EXOC4: variants seen among roughly 807,000 people sequenced by gnomAD.
The protein encoded by EXOC4 is exocyst complex component 4.
Under a neutral mutation model 107.2 loss-of-function variants are expected in EXOC4, and 71 were observed. That is an observed-to-expected ratio of 0.66 (90% CI 0.55 to 0.81). EXOC4 has a LOEUF of 0.81. Ranked by LOEUF, EXOC4 falls within the 30% of genes least tolerant of loss-of-function variation. The pLI, the probability that EXOC4 is intolerant of heterozygous loss-of-function variation, is 0.00. For missense variants in EXOC4, 1,108 were observed against 1,189.6 expected (o/e 0.93, Z 1.01); for synonymous variants, 456 against 441.2 (o/e 1.03, Z -0.42).
At chr7:133,472,843 A>C (rs1798914604) in intron 7 of EXOC4, among the ~76,000 whole-genome samples, 1 of 152,146 alleles carries the variant, frequency 6.6e-6, no homozygotes. Flanking sequence ...AGGGGACTTT[A>C]CTGATGATAA....
intron 3 of EXOC4, among the ~76,000 whole-genome samples, chr7:133,291,991 C>G (rs1794417183): frequency 6.6e-6 from 1 of 152,106 alleles, no homozygotes; most frequent in Admixed American, 6.5e-5. Context: ...GTTTTAACTC[C>G]TGTAACTTTA....
At position 133,423,225 on chromosome 7, in the gene EXOC4, C is replaced by CAAAAA. The variant is rs1797642571; in HGVS notation, c.1182+48223_1182+48224insAAAAA. 1.6e-4 allele frequency among the ~76,000 whole-genome samples: 2 copies of CAAAAA among 12,156 alleles called. 1 individual carries two copies. Among genetic ancestry groups the CAAAAA allele is most frequent in the African/African-American group, 1.6e-3 (2 of 1,284 alleles). 8.0% of individuals were successfully genotyped at this position (12,156 alleles called of 152,430 possible). On this transcript the variant is annotated intron_variant, in intron 7 of 17. Transcript: ENST00000253861. Reference sequence around the variant, plus strand: ...TGGGCGACAGAGCGAGACTCCGTCTCCAAAAAAAAAAAAAAAAAAAAAAAA... The same window carrying CAAAAA: ...TGGGCGACAGAGCGAGACTCCGTCTCAAAAACAAAAAAAAAAAAAAAAAAAAAAAA...
chr7:133,588,163 G>C (rs1165480444), intron 9 of EXOC4, among the ~76,000 whole-genome samples: 1 of 152,142 alleles, frequency 6.6e-6, no homozygotes, highest in Non-Finnish European at 1.5e-5. Context: ...CCATTTAATT[G>C]TTCAAATAAA....
intron 9 of EXOC4, among the ~76,000 whole-genome samples, chr7:133,513,536 T>C (rs1012048260): frequency 6.6e-6 from 1 of 152,224 alleles, no homozygotes; most frequent in Non-Finnish European, 1.5e-5. Context: ...TATACTAAAG[T>C]TTAGGTCTGA....
At chr7:134,006,728 A>G (rs2116337371) in intron 16 of EXOC4, among the ~76,000 whole-genome samples, 1 of 152,328 alleles carries the variant, frequency 6.6e-6, no homozygotes, top group Non-Finnish European at 1.5e-5. Flanking sequence ...TACAGTTCCA[A>G]GGAAAATGTC....
chr7:133,676,924 A>ACT (rs1491186903), intron 10 of EXOC4, among the ~76,000 whole-genome samples: 8 of 76,196 alleles, frequency 1.0e-4, no homozygotes, highest in African/African-American at 3.8e-4. Context: ...TATGTAGTAA[A>ACT]CTCTGTGTGT....
chr7:134,040,161 A>G (rs1795482555), intron 17 of EXOC4, among the ~76,000 whole-genome samples: 1 of 152,172 alleles, frequency 6.6e-6, no homozygotes, highest in Non-Finnish European at 1.5e-5. Context: ...CCCTTCAGCC[A>G]TCCTTTGTGA....
intron 1 of EXOC4, among the ~76,000 whole-genome samples, chr7:133,269,910 ATC>A (rs1793824797): frequency 6.6e-6 from 1 of 152,082 alleles, no homozygotes; most frequent in African/African-American, 2.4e-5. Context: ...AAAAAACTCC[ATC>A]TCTTTATCTC....
At chr7:133,690,184 T>G (rs1197637158) in intron 10 of EXOC4, among the ~76,000 whole-genome samples, 1 of 152,218 alleles carries the variant, frequency 6.6e-6, no homozygotes, top group Non-Finnish European at 1.5e-5. Context: ...TTTGGTTTGG[T>G]CTCTTGGGTG....
chr7:133,888,644 T>C (rs1169255600), intron 11 of EXOC4, among the ~76,000 whole-genome samples: 1 of 152,240 alleles, frequency 6.6e-6, no homozygotes, highest in Admixed American at 6.5e-5. Context: ...CAGATAGTTT[T>C]TTTAATTCAG....
intron 10 of EXOC4, among the ~76,000 whole-genome samples, chr7:133,685,080 A>G (rs369267919): frequency 6.6e-6 from 1 of 152,196 alleles, no homozygotes; most frequent in African/African-American, 2.4e-5. Flanking sequence ...GTCTTCTAAA[A>G]CATGAGTTCA....
intron 9 of EXOC4, among the ~76,000 whole-genome samples, chr7:133,510,640 A>G (rs913263738): frequency 2.6e-5 from 4 of 152,244 alleles, no homozygotes; most frequent in Admixed American, 1.3e-4. Context: ...CACTGGAAAC[A>G]TACGAGCAAT....
At chr7:133,879,070 A>C (rs1798909101) in intron 11 of EXOC4, among the ~76,000 whole-genome samples, 1 of 151,972 alleles carries the variant, frequency 6.6e-6, no homozygotes, top group East Asian at 1.9e-4. Flanking sequence ...CTTTACTTGA[A>C]TCAGTTGTTT....
At chr7:133,670,551 A>G (rs1793923480) in intron 10 of EXOC4, among the ~76,000 whole-genome samples, 2 of 151,056 alleles carry the variant, frequency 1.3e-5, no homozygotes, top group African/African-American at 4.8e-5. Context: ...TGTCAGGGGC[A>G]TGAGCCTCCA....
intron 7 of EXOC4, among the ~76,000 whole-genome samples, chr7:133,466,247 A>C (rs1271083782): frequency 6.6e-6 from 1 of 152,190 alleles, no homozygotes; most frequent in Non-Finnish European, 1.5e-5. Flanking sequence ...AGGAAAAAAA[A>C]GTGGAACCAA....
chr7:133,669,700 G>T (rs779471357), intron 10 of EXOC4, among the ~76,000 whole-genome samples: 1 of 152,156 alleles, frequency 6.6e-6, no homozygotes, highest in African/African-American at 2.4e-5. Flanking sequence ...TATATTTGGG[G>T]TAAGAGATGG....
chr7:133,282,854 T>C (rs1794188946), intron 2 of EXOC4, among the ~76,000 whole-genome samples: 1 of 152,210 alleles, frequency 6.6e-6, no homozygotes, highest in African/African-American at 2.4e-5. Flanking sequence ...GTAGTCACCA[T>C]GTTGTGCAAT....
Position 134,027,656 on chromosome 7 carries a change from C to CAAAA in EXOC4, c.2687+19834_2687+19837dup, listed in dbSNP as rs11408269. ...CTGGCGACAGAGAGAGACTCCATCT[C>CAAAA]AAAAAAAAAAAAAAAAGGAATTGGC... On this transcript the variant is annotated intron_variant, in intron 17 of 17. Transcript: ENST00000253861. Among the ~76,000 whole-genome samples, 96 of 124,682 alleles carry CAAAA rather than the reference C, an allele frequency of 7.7e-4. 4 individuals carry two copies. The highest frequency in any genetic ancestry group is 5.4e-3 in the South Asian group (19 of 3,530). 81.8% of individuals were successfully genotyped at this position (124,682 alleles called of 152,430 possible).
At chr7:133,814,159 C>G (rs1340096309) in intron 10 of EXOC4, among the ~76,000 whole-genome samples, 2 of 152,140 alleles carry the variant, frequency 1.3e-5, no homozygotes, top group Non-Finnish European at 2.9e-5. Flanking sequence ...ACCCCTGCCT[C>G]CTATGGGTAC....
Sources: gnomAD v4.1 joint callset for allele counts (sites outside exome capture counted in the v4.1 genomes callset) on GRCh38, gnomAD v4.1.1 for gene constraint, MANE v1.5 for transcripts, NCBI Gene and HGNC (gene_info 2026-07-23, HGNC 2026-07-21) for gene names.